PIK3R6: variants seen among roughly 807,000 people sequenced by gnomAD.
PIK3R6 encodes phosphoinositide-3-kinase regulatory subunit 6.
PIK3R6 carries 91 observed loss-of-function variants against 84.9 expected under a neutral mutation model. The observed-to-expected ratio is 1.07, with a 90% CI of 0.90 to 1.28. The LOEUF (loss-of-function observed/expected upper bound fraction) is 1.28. Among genes scored for constraint, PIK3R6 ranks in the 50% most tolerant of loss-of-function variants. The pLI, the probability that PIK3R6 is intolerant of heterozygous loss-of-function variation, is 0.00. For missense variants in PIK3R6, 996 were observed against 985.1 expected (o/e 1.01, Z -0.15); for synonymous variants, 416 against 411.4 (o/e 1.01, Z -0.13).
intron 8 of PIK3R6, 116 bp downstream of exon 8, chr17:8,835,157 T>G: frequency 5.2e-6 from 6 of 1,152,516 alleles, no homozygotes; most frequent in South Asian, 2.0e-5. Context: ...TAATTTTTGA[T>G]TTGGGGGAAA....
intron 9 of PIK3R6, among the ~76,000 whole-genome samples, chr17:8,832,536 C>T (rs2088281475): frequency 6.8e-6 from 1 of 146,532 alleles, no homozygotes; most frequent in Non-Finnish European, 1.5e-5. Flanking sequence ...GTGCCCACCA[C>T]CACGCCCAGC....
intron 1 of PIK3R6, among the ~76,000 whole-genome samples, chr17:8,858,620 T>C (rs2089200486): frequency 1.3e-5 from 2 of 152,302 alleles, no homozygotes; most frequent in African/African-American, 2.4e-5. Flanking sequence ...CTGGCTGTTT[T>C]CTCAATGAGT....
intron 15 of PIK3R6, 109 bp downstream of exon 15, chr17:8,822,887 A>G: frequency 6.7e-6 from 7 of 1,040,062 alleles, no homozygotes; most frequent in Non-Finnish European, 9.1e-6. Flanking sequence ...AGCAGGGACA[A>G]GCACTGAGGG....
At chr17:8,804,717 T>C (rs982046354) in intron 18 of PIK3R6, among the ~76,000 whole-genome samples, 6 of 152,086 alleles carry the variant, frequency 3.9e-5, no homozygotes, top group Admixed American at 6.5e-5. Context: ...TCGCCTCCCA[T>C]TGGGCAGAGA....
intron 1 of PIK3R6, among the ~76,000 whole-genome samples, chr17:8,865,567 G>T (rs551491565): frequency 1.1e-3 from 165 of 152,086 alleles, no homozygotes; most frequent in African/African-American, 3.8e-3. Flanking sequence ...GTGCCCTCAG[G>T]GTTTCAGGGG....
intron 1 of PIK3R6, among the ~76,000 whole-genome samples, chr17:8,857,900 CAAAAA>C (rs531309380): frequency 3.2e-5 from 3 of 93,914 alleles, no homozygotes; most frequent in Non-Finnish European, 4.6e-5. Flanking sequence ...AACTCTGTCT[CAAAAA>C]AAAAAAAAAA....
Position 8,835,257 on chromosome 17 carries a change from C to A in PIK3R6, c.645+16G>T. ...GAGGGCTGGGACTGACAAGGGGCTG[C>A]AGGCAGGGCCATTACCTGCAGCTTC... is the stretch of plus-strand genomic sequence containing the variant. On this transcript the variant is annotated intron_variant, in intron 8 of 19. Transcript: ENST00000619866. 2 of 1,504,936 alleles carry A rather than the reference C, an allele frequency of 1.3e-6. No homozygotes were observed. Among genetic ancestry groups the A allele is most frequent in the South Asian group, 1.3e-5 (1 of 77,492 alleles). The allele number at this position is 1,504,936 out of a possible 1,614,324, so 93.2% of individuals were successfully genotyped here.
rs866669007 is a variant in PIK3R6, at chr17:8,840,234, A to C, written c.14-537T>G. 6.8e-3 allele frequency among the ~76,000 whole-genome samples: 937 copies of C among 138,144 alleles called. 37 individuals are homozygous for C. The highest frequency in any genetic ancestry group is 0.025 in the African/African-American group (875 of 35,386). 90.6% of individuals were successfully genotyped at this position (138,144 alleles called of 152,430 possible). A position where few individuals can be genotyped will look rare whatever the true frequency, so the allele number is the denominator to read the frequency against. On this transcript the variant is annotated intron_variant, in intron 2 of 19. Coordinates refer to ENST00000619866, the MANE Select transcript of PIK3R6 (RefSeq NM_001010855.4). ...TATATATATGAAATATATACAGCCT[A>C]CAAATATATATATGAAATATATACA...
At chr17:8,809,587 G>T (rs1250481909) in intron 18 of PIK3R6, among the ~76,000 whole-genome samples, 1 of 152,174 alleles carries the variant, frequency 6.6e-6, no homozygotes, top group Non-Finnish European at 1.5e-5. Context: ...TTGAGTCCAG[G>T]AATTTGAGAC....
At position 8,841,356 on chromosome 17, in the gene PIK3R6, A is replaced by G. The variant is rs548546332; in HGVS notation, c.14-1659T>C. Among the ~76,000 whole-genome samples, 140 of 152,192 alleles carry G rather than the reference A, an allele frequency of 9.2e-4. 1 individual carries two copies. Among genetic ancestry groups the G allele is most frequent in the Non-Finnish European group, 1.7e-3 (116 of 68,038 alleles). ...TGGCCTGCCCATCCCAGTTTTAGCA[A>G]GAATCCTGCCAAATCAGTTTAGGTT... is the stretch of plus-strand genomic sequence containing the variant. On this transcript the variant is annotated intron_variant, in intron 2 of 19. Transcript: ENST00000619866.
In PIK3R6 at chr17:8,803,154, G is replaced by A; in HGVS notation, c.*119C>T. On this transcript the variant is annotated 3_prime_UTR_variant, in exon 20 of 20. Coordinates refer to ENST00000619866, the MANE Select transcript of PIK3R6 (RefSeq NM_001010855.4). The surrounding 1 kb of genome is among the most constrained non-coding windows in gnomAD (Gnocchi z 5.0). ...TCCCTGTGCTCCCAGGCACTCGCTG[G>A]CTCCTGGTCAAGGCCAAAGCTGCCG... The A allele has an allele frequency of 1.5e-6, 2 of 1,356,768 alleles. No individual in the cohort carries two copies. The highest frequency in any genetic ancestry group is 2.0e-6 in the Non-Finnish European group (2 of 982,358). The allele number at this position is 1,356,768 out of a possible 1,614,324, so 84.0% of individuals were successfully genotyped here. A position where few individuals can be genotyped will look rare whatever the true frequency, so the allele number is the denominator to read the frequency against.
chr17:8,827,980 C>T, intron 12 of PIK3R6, 132 bp downstream of exon 12: 1 of 924,872 alleles, frequency 1.1e-6, no homozygotes, highest in Non-Finnish European at 1.6e-6. Flanking sequence ...TGACCTCTCT[C>T]CCGCCTCCAC....
chr17:8,846,260 C>T (rs1360565159), intron 2 of PIK3R6, among the ~76,000 whole-genome samples: 1 of 152,166 alleles, frequency 6.6e-6, no homozygotes, highest in Admixed American at 6.5e-5. Context: ...TGTCAAAGAT[C>T]AGGTGGCTGT....
rs1012672698 is a variant in PIK3R6 at position 8,860,346 on chromosome 17, G to A, written c.-92+7183C>T. Among the ~76,000 whole-genome samples, 6 of 152,124 alleles carry A rather than the reference G, an allele frequency of 3.9e-5. No homozygotes were observed. The East Asian group carries it at 7.7e-4, about 20-fold the overall frequency. ...AAGCTCGAACCCTATTGTGAACTGCGCATGCAAGGGATCCAGGCTGCCCGT... is the reference window on the plus strand; with the variant it reads ...AAGCTCGAACCCTATTGTGAACTGCACATGCAAGGGATCCAGGCTGCCCGT... On this transcript the variant is annotated intron_variant, in intron 1 of 19. Coordinates refer to ENST00000619866, the MANE Select transcript of PIK3R6 (RefSeq NM_001010855.4).
chr17:8,840,853 C>T (rs933969598), intron 2 of PIK3R6, among the ~76,000 whole-genome samples: 1 of 151,510 alleles, frequency 6.6e-6, no homozygotes, highest in Admixed American at 6.6e-5. Context: ...CCTGGGTTCA[C>T]GCCATTCTCC....
In PIK3R6 at chr17:8,811,160, C is replaced by T. The variant is rs191946783; in HGVS notation, c.1996-7007G>A. On this transcript the variant is annotated intron_variant, in intron 18 of 19. Transcript: ENST00000619866. ...AGGCTCAACACCACATGAAAGCTGC[C>T]AAGCCTTAGGGCTCGCACCCTCTAA... Among the ~76,000 whole-genome samples, 80 of 148,844 alleles carry T rather than the reference C, an allele frequency of 5.4e-4. 5 individuals are homozygous for T. Among genetic ancestry groups the T allele is most frequent in the African/African-American group, 1.9e-3 (77 of 40,088 alleles).
chr17:8,804,185 G>A (rs773821334), intron 18 of PIK3R6, 32 bp from the exon 19 acceptor site: 14 of 1,573,088 alleles, frequency 8.9e-6, no homozygotes, highest in Non-Finnish European at 1.1e-5. Flanking sequence ...TGTGAGTGTT[G>A]CCTTTGCTCG....
rs114547593 is a variant in PIK3R6 at position 8,865,756 on chromosome 17, A to T, written c.-92+1773T>A. Among the ~76,000 whole-genome samples the T allele has an allele frequency of 6.4e-3, 971 of 151,668 alleles. 7 individuals carry two copies. Among genetic ancestry groups the T allele is most frequent in the African/African-American group, 0.023 (932 of 41,290 alleles). On this transcript the variant is annotated intron_variant, in intron 1 of 19. Transcript: ENST00000619866. ...AGGTCTACTTCTCAGATTCCCAAGG[A>T]GCCGGGAGGTGAGGGTCCTGCTGCC...
At chr17:8,843,707 C>T (rs962682149) in intron 2 of PIK3R6, among the ~76,000 whole-genome samples, 2 of 152,028 alleles carry the variant, frequency 1.3e-5, no homozygotes, top group African/African-American at 4.8e-5. Context: ...GTTTGGGTTT[C>T]TGGCATCTCT....
Sources: gnomAD v4.1 joint callset for allele counts (sites outside exome capture counted in the v4.1 genomes callset) on GRCh38, gnomAD v4.1.1 for gene constraint, Gnocchi (gnomAD v3.1) non-coding constraint, MANE v1.5 for transcripts, NCBI Gene and HGNC (gene_info 2026-07-23, HGNC 2026-07-21) for gene names.